The following RGS7 variants were observed in gnomAD, a reference collection of about 807,000 sequenced individuals.
The protein encoded by RGS7 is regulator of G-protein signaling 7.
In RGS7, 27 loss-of-function variants were observed where a neutral mutation model predicts 81.1. The observed-to-expected ratio is 0.33, with a 90% CI of 0.25 to 0.46. RGS7 has a LOEUF of 0.46. RGS7 is among the 20% of genes least tolerant of loss of function. RGS7 has a pLI of 1.00. For synonymous variants in RGS7, 208 were observed against 207.7 expected (o/e 1.00, Z -0.01); for missense variants, 396 against 607.4 (o/e 0.65, Z 3.66).
At chr1:240,973,081 C>T (rs1022737785) in intron 4 of RGS7, among the ~76,000 whole-genome samples, 2 of 151,114 alleles carry the variant, frequency 1.3e-5, no homozygotes, top group African/African-American at 4.9e-5. Flanking sequence ...ACACAGGGTA[C>T]AGGTTGTACC....
chr1:241,122,103 AGCT>A (rs2066313174), intron 2 of RGS7, among the ~76,000 whole-genome samples: 1 of 152,228 alleles, frequency 6.6e-6, no homozygotes, highest in African/African-American at 2.4e-5. Context: ...ATGCAAATGC[AGCT>A]GCTATCTTCA....
intron 2 of RGS7, among the ~76,000 whole-genome samples, chr1:241,315,097 T>TC (rs1244187855): frequency 4.5e-5 from 6 of 133,426 alleles, no homozygotes; most frequent in Non-Finnish European, 9.3e-5. Context: ...TTTTTTTTTT[T>TC]CTTCTTCTTC....
Position 241,160,073 on chromosome 1 carries a change from G to A in RGS7, c.79-61311C>T, listed in dbSNP as rs192793842. Among the ~76,000 whole-genome samples the A allele has an allele frequency of 3.1e-3, 443 of 141,784 alleles. 6 individuals are homozygous for A. The highest frequency in any genetic ancestry group is 0.011 in the African/African-American group (413 of 38,246). 93.0% of individuals were successfully genotyped at this position (141,784 alleles called of 152,430 possible). On this transcript the variant is annotated intron_variant, in intron 2 of 18. Transcript: ENST00000440928. ...TTGCAGTGAGCCAAGATAGCACCAC[G>A]GCACTATAGCCTGGGTGACAGAGCG...
At chr1:241,261,299 G>A (rs1399814581) in intron 2 of RGS7, among the ~76,000 whole-genome samples, 2 of 152,010 alleles carry the variant, frequency 1.3e-5, no homozygotes, top group African/African-American at 2.4e-5. Flanking sequence ...ATGCAGCTGG[G>A]ACTAGAAGCC....
At chr1:240,826,368 T>C (rs1200449880) in intron 10 of RGS7, among the ~76,000 whole-genome samples, 1 of 151,968 alleles carries the variant, frequency 6.6e-6, no homozygotes, top group East Asian at 1.9e-4. Context: ...AAATATTGAG[T>C]GCTTACTACA....
intron 4 of RGS7, among the ~76,000 whole-genome samples, chr1:240,952,306 G>A (rs973437302): frequency 8.6e-5 from 13 of 152,014 alleles, no homozygotes; most frequent in Non-Finnish European, 1.9e-4. Context: ...AGTATTAGGT[G>A]ATTATAAAAT....
chr1:241,135,770 T>C (rs766984889), intron 2 of RGS7, among the ~76,000 whole-genome samples: 9 of 152,058 alleles, frequency 5.9e-5, no homozygotes, highest in Non-Finnish European at 1.2e-4. Context: ...TCTACTACAA[T>C]GTCAGTGGCC....
At chr1:240,902,793 T>C (rs1670221233) in intron 6 of RGS7, among the ~76,000 whole-genome samples, 1 of 152,206 alleles carries the variant, frequency 6.6e-6, no homozygotes, top group African/African-American at 2.4e-5. Flanking sequence ...AACAATGTTT[T>C]TGTAGAGAAT....
rs959127659 is a variant in RGS7, at chr1:240,811,202, C to T, written c.1082+716G>A. Reference sequence around the variant, plus strand: ...TTCAAAAGAATAATGAATGAAAGAACTCATGAAACAACAGTCTTATATAGT... The same window carrying T: ...TTCAAAAGAATAATGAATGAAAGAATTCATGAAACAACAGTCTTATATAGT... On this transcript the variant is annotated intron_variant, in intron 14 of 18. Transcript: ENST00000440928. Among the ~76,000 whole-genome samples the T allele has an allele frequency of 3.3e-5, 5 of 152,164 alleles. No homozygotes were observed. The East Asian group carries it at 9.6e-4, about 29-fold the overall frequency.
At chr1:241,177,633 A>G (rs1427623747) in intron 2 of RGS7, among the ~76,000 whole-genome samples, 1 of 152,218 alleles carries the variant, frequency 6.6e-6, no homozygotes, top group Non-Finnish European at 1.5e-5. Flanking sequence ...AGAACACTCA[A>G]TTGGGTACTG....
At chr1:241,328,107 T>C (rs1453865045) in intron 2 of RGS7, among the ~76,000 whole-genome samples, 1 of 152,152 alleles carries the variant, frequency 6.6e-6, no homozygotes, top group East Asian at 1.9e-4. Context: ...TACAGGAAAA[T>C]TTGGAATGTA....
At chr1:241,325,479 T>C (rs2081437871) in intron 2 of RGS7, among the ~76,000 whole-genome samples, 1 of 152,196 alleles carries the variant, frequency 6.6e-6, no homozygotes, top group African/African-American at 2.4e-5. Context: ...GGTACTCATA[T>C]TGATGATATG....
At chr1:241,347,871 C>A (rs1308463864) in intron 2 of RGS7, among the ~76,000 whole-genome samples, 1 of 151,954 alleles carries the variant, frequency 6.6e-6, no homozygotes, top group Non-Finnish European at 1.5e-5. Context: ...GGTCTATGGT[C>A]TTCCTTTAAA....
chr1:241,182,973 G>T (rs2071770503), intron 2 of RGS7, among the ~76,000 whole-genome samples: 2 of 151,242 alleles, frequency 1.3e-5, no homozygotes, highest in Admixed American at 1.3e-4. Flanking sequence ...AGAAAGAATG[G>T]AAAAATGCAT....
At chr1:241,297,146 T>C (rs1402727384) in intron 2 of RGS7, among the ~76,000 whole-genome samples, 1 of 152,202 alleles carries the variant, frequency 6.6e-6, no homozygotes, top group Non-Finnish European at 1.5e-5. Flanking sequence ...AAGAAAGTGA[T>C]TTTTGTGCAT....
At chr1:241,064,959 CT>C (rs541652241) in intron 3 of RGS7, among the ~76,000 whole-genome samples, 117 of 152,022 alleles carry the variant, frequency 7.7e-4, no homozygotes, top group Non-Finnish European at 1.4e-3. Flanking sequence ...AATATCACTT[CT>C]TTTAAGTGTA....
In RGS7 at chr1:241,028,516, G is replaced by T. The variant is rs531844011; in HGVS notation, c.176-45387C>A. ...TGGGTTCACTTCATCATTAGTTTTTGTTGGAGAAAGAGACTGAGATGCCGG... is the reference window on the plus strand; with the variant it reads ...TGGGTTCACTTCATCATTAGTTTTTTTTGGAGAAAGAGACTGAGATGCCGG... On this transcript the variant is annotated intron_variant, in intron 3 of 18. Coordinates refer to ENST00000440928, the MANE Select transcript of RGS7 (RefSeq NM_001364886.1). Among the ~76,000 whole-genome samples the T allele has an allele frequency of 5.9e-3, 900 of 152,250 alleles. 8 individuals carry two copies. The highest frequency in any genetic ancestry group is 0.021 in the African/African-American group (876 of 41,542).
intron 2 of RGS7, among the ~76,000 whole-genome samples, chr1:241,169,816 G>A (rs959992962): frequency 3.9e-5 from 6 of 152,102 alleles, no homozygotes; most frequent in East Asian, 1.9e-4. Context: ...GTAAGAAATC[G>A]ATTATGTTTC....
chr1:240,877,301 A>G (rs1665592224), intron 6 of RGS7, among the ~76,000 whole-genome samples: 1 of 149,014 alleles, frequency 6.7e-6, no homozygotes, highest in South Asian at 2.1e-4. Flanking sequence ...ATATATGTAA[A>G]GTATTTATAT....
Sources: gnomAD v4.1 joint callset for allele counts (sites outside exome capture counted in the v4.1 genomes callset) on GRCh38, gnomAD v4.1.1 for gene constraint, MANE v1.5 for transcripts, NCBI Gene and HGNC (gene_info 2026-07-23, HGNC 2026-07-21) for gene names.